The following SLC4A4 variants were observed in gnomAD, a reference collection of about 807,000 sequenced individuals.
SLC4A4 encodes solute carrier family 4 member 4.
SLC4A4 carries 27 observed loss-of-function variants against 111.5 expected under a neutral mutation model. The observed-to-expected ratio is 0.24, with a 90% CI of 0.18 to 0.33. The LOEUF is 0.33. SLC4A4 is among the 10% of genes least tolerant of loss of function. The pLI is 1.00. For synonymous variants in SLC4A4, 443 were observed against 463.4 expected, an observed-to-expected ratio of 0.96 and a Z score of 0.57; for missense variants, 909 against 1,315.5, an observed-to-expected ratio of 0.69 and a Z score of 4.78.
At chr4:71,311,240 T>G (rs1256298164) in intron 3 of SLC4A4, among the ~76,000 whole-genome samples, 1 of 152,132 alleles carries the variant, frequency 6.6e-6, no homozygotes, top group Admixed American at 6.5e-5. Flanking sequence ...CACACAGTAA[T>G]AGTGGGAGAC....
chr4:71,236,728 A>G (rs1442224719), intron 2 of SLC4A4, 79 bp downstream of exon 2: 6 of 1,204,070 alleles, frequency 5.0e-6, no homozygotes, highest in African/African-American at 4.5e-5. Context: ...CATTTCATAT[A>G]TCTTACATTT....
In SLC4A4 at chr4:71,288,847, A is replaced by T. The variant is rs181319086; in HGVS notation, c.253+33448A>T. Among the ~76,000 whole-genome samples, 103 of 152,286 alleles carry T rather than the reference A, an allele frequency of 6.8e-4. 1 individual carries two copies. Among genetic ancestry groups the T allele is most frequent in the Admixed American group, 5.8e-3 (88 of 15,296 alleles). On this transcript the variant is annotated intron_variant, in intron 3 of 25. Transcript: ENST00000264485. Reference sequence around the variant, plus strand: ...TGTAGAAGTCTGTGGTATTTCTCTCATTCCATCTTATGAGTTAAAAAAATC... The same window carrying T: ...TGTAGAAGTCTGTGGTATTTCTCTCTTTCCATCTTATGAGTTAAAAAAATC...
intron 1 of SLC4A4, among the ~76,000 whole-genome samples, chr4:71,193,186 C>T (rs990731516): frequency 3.3e-5 from 5 of 152,246 alleles, no homozygotes; most frequent in African/African-American, 4.8e-5. Flanking sequence ...GTGAACATGT[C>T]GCCCTGTCTG....
At chr4:71,308,664 T>C (rs1378607869) in intron 3 of SLC4A4, among the ~76,000 whole-genome samples, 1 of 152,198 alleles carries the variant, frequency 6.6e-6, no homozygotes, top group Non-Finnish European at 1.5e-5. Flanking sequence ...CGTGAGGGAC[T>C]GTGCTATCTG....
intron 6 of SLC4A4, among the ~76,000 whole-genome samples, chr4:71,381,055 G>A (rs952407150): frequency 2.0e-5 from 3 of 152,080 alleles, no homozygotes; most frequent in African/African-American, 7.2e-5. Flanking sequence ...ACTATTATGG[G>A]CTGTGATCAG....
chr4:71,431,997 G>T (rs1008278477), intron 7 of SLC4A4, among the ~76,000 whole-genome samples: 2 of 152,130 alleles, frequency 1.3e-5, no homozygotes, highest in African/African-American at 4.8e-5. Context: ...AGTGGAGAAT[G>T]AACTGATCTT....
At chr4:71,556,048 A>G (rs1736455483) in intron 21 of SLC4A4, among the ~76,000 whole-genome samples, 1 of 151,988 alleles carries the variant, frequency 6.6e-6, no homozygotes, top group Non-Finnish European at 1.5e-5. Flanking sequence ...TGTCCTGTGA[A>G]CATCATAAGA....
At chr4:71,376,070 TACAC>T (rs1206204231) in intron 6 of SLC4A4, among the ~76,000 whole-genome samples, 1 of 147,976 alleles carries the variant, frequency 6.8e-6, no homozygotes, top group Non-Finnish European at 1.5e-5. Context: ...TATATACATA[TACAC>T]GTATATATAT....
intron 3 of SLC4A4, among the ~76,000 whole-genome samples, chr4:71,291,681 CAAAA>C (rs1724364244): frequency 6.6e-6 from 1 of 152,158 alleles, no homozygotes; most frequent in South Asian, 2.1e-4. Flanking sequence ...ATAGGCACCC[CAAAA>C]GGGTCCTCAG....
intron 2 of SLC4A4, among the ~76,000 whole-genome samples, chr4:71,128,466 AAG>A (rs1244581007): frequency 6.6e-6 from 1 of 152,106 alleles, no homozygotes; most frequent in African/African-American, 2.4e-5. Flanking sequence ...GTCTCAAAAA[AAG>A]AAAAAAAATT....
At chr4:71,213,279 A>G (rs993817437) in intron 1 of SLC4A4, among the ~76,000 whole-genome samples, 2 of 152,194 alleles carry the variant, frequency 1.3e-5, no homozygotes, top group East Asian at 3.8e-4. Context: ...CTTTATTGTC[A>G]TTACTAGAAA....
At chr4:71,282,753 T>C (rs1163614098) in intron 3 of SLC4A4, among the ~76,000 whole-genome samples, 1 of 151,904 alleles carries the variant, frequency 6.6e-6, no homozygotes, top group Non-Finnish European at 1.5e-5. Flanking sequence ...TGGCTGATTT[T>C]TTTTTTTGAG....
intron 14 of SLC4A4, among the ~76,000 whole-genome samples, chr4:71,486,346 T>G (rs1729400042): frequency 6.6e-6 from 1 of 151,524 alleles, no homozygotes; most frequent in Admixed American, 6.6e-5. Flanking sequence ...ATTAGGTTCT[T>G]CTTCAAGTGC....
intron 6 of SLC4A4, among the ~76,000 whole-genome samples, chr4:71,361,178 A>G (rs545026017): frequency 5.3e-5 from 8 of 152,306 alleles, no homozygotes; most frequent in Middle Eastern, 3.4e-3. Context: ...GTAAAAATCA[A>G]TGCATACACA....
At chr4:71,483,564 A>G (rs4532208) in intron 14 of SLC4A4, among the ~76,000 whole-genome samples, 1,812 of 152,006 alleles carry the variant, frequency 0.012, 41 homozygotes, top group African/African-American at 0.04. Flanking sequence ...TTCTTTATCC[A>G]GCCTATCATT....
chr4:71,296,914 A>G (rs1724839875), intron 3 of SLC4A4, among the ~76,000 whole-genome samples: 2 of 152,218 alleles, frequency 1.3e-5, no homozygotes, highest in South Asian at 4.1e-4. Flanking sequence ...TCGTTCTCTC[A>G]TCTGGATTTT....
chr4:71,263,802 A>AT (rs527549067), intron 3 of SLC4A4, among the ~76,000 whole-genome samples: 10 of 151,606 alleles, frequency 6.6e-5, no homozygotes, highest in South Asian at 2.1e-4. Context: ...CTACCTGTGT[A>AT]TTTTTTTTTC....
chr4:71,480,981 G>A (rs1728825262), intron 14 of SLC4A4, among the ~76,000 whole-genome samples: 2 of 151,750 alleles, frequency 1.3e-5, no homozygotes, highest in Non-Finnish European at 2.9e-5. Context: ...AGGTCACAGA[G>A]CTAGGAGTAA....
chr4:71,546,550 T>C (rs753322468), intron 19 of SLC4A4, 22 bp downstream of exon 19: 2 of 1,607,144 alleles, frequency 1.2e-6, no homozygotes, highest in East Asian at 2.2e-5. Flanking sequence ...CAGAGGAAAA[T>C]GGCTCCCGAA....
Sources: allele counts gnomAD v4.1 joint callset (sites outside exome capture counted in the v4.1 genomes callset), GRCh38; gene constraint gnomAD v4.1.1; transcripts MANE v1.5; gene names NCBI Gene and HGNC (gene_info 2026-07-23, HGNC 2026-07-21).